The following PLA2G2C variants were observed in gnomAD, a reference collection of about 807,000 sequenced individuals.
PLA2G2C encodes putative inactive group IIC secretory phospholipase A2.
Under a neutral mutation model 14.3 loss-of-function variants are expected in PLA2G2C, and 15 were observed. The observed-to-expected ratio is 1.05, with a 90% CI of 0.70 to 1.62. The LOEUF is 1.62. Ranked by LOEUF, PLA2G2C falls within the 40% of genes most tolerant of loss-of-function variation. The pLI is 0.00. For synonymous variants in PLA2G2C, 79 were observed against 67.7 expected, an observed-to-expected ratio of 1.17 and a Z score of -0.82; for missense variants, 162 against 173.2, an observed-to-expected ratio of 0.94 and a Z score of 0.36.
chr1:20,173,950 G>A (rs59339597), intron 3 of PLA2G2C, among the ~76,000 whole-genome samples: 4 of 151,976 alleles, frequency 2.6e-5, no homozygotes, highest in African/African-American at 2.4e-5. Context: ...GCAAATTCTC[G>A]TTCAATCCTA....
chr1:20,172,604 G>C (rs1187159299), intron 4 of PLA2G2C, among the ~76,000 whole-genome samples, 190 bp downstream of exon 4: 2 of 152,096 alleles, frequency 1.3e-5, no homozygotes, highest in South Asian at 4.2e-4. Context: ...CTCATGGGTG[G>C]GAGAGACCAG....
intron 1 of PLA2G2C, 54 bp from the exon 2 acceptor site, chr1:20,177,493 C>G: frequency 1.8e-6 from 1 of 566,758 alleles, no homozygotes; most frequent in South Asian, 2.3e-5. Context: ...GTGCAAAGCC[C>G]TAATTGTAGT....
chr1:20,185,479 G>C (rs1363410106), intron 1 of PLA2G2C, among the ~76,000 whole-genome samples: 1 of 152,200 alleles, frequency 6.6e-6, no homozygotes, highest in Non-Finnish European at 1.5e-5. Flanking sequence ...AGATACAGCG[G>C]AAGTGACTCA....
chr1:20,183,728 C>T (rs1286232070), intron 1 of PLA2G2C, among the ~76,000 whole-genome samples: 1 of 152,098 alleles, frequency 6.6e-6, no homozygotes, highest in African/African-American at 2.4e-5. Flanking sequence ...GTCATTTTGG[C>T]TTAACTTCAA....
At chr1:20,172,747 GAAAGGCCCAGGTTA>G in intron 4 of PLA2G2C, 33 bp downstream of exon 4, 1 of 1,498,516 alleles carries the variant, frequency 6.7e-7, no homozygotes, top group Non-Finnish European at 9.2e-7. Context: ...GAACGTTAAG[GAAAGGCCCAGGTTA>G]AAAGACATTT....
chr1:20,167,840 C>G (rs567833919), intron 4 of PLA2G2C, among the ~76,000 whole-genome samples: 21 of 152,214 alleles, frequency 1.4e-4, no homozygotes, highest in African/African-American at 4.8e-4. Flanking sequence ...AGGCCTTCTT[C>G]GACCACCTAA....
At chr1:20,165,173 T>C (rs947431570) in intron 4 of PLA2G2C, among the ~76,000 whole-genome samples, 2 of 152,218 alleles carry the variant, frequency 1.3e-5, no homozygotes, top group African/African-American at 4.8e-5. Flanking sequence ...TCACAGGTCT[T>C]GCTCTGTCTT....
chr1:20,182,962 G>C (rs1203446432), intron 1 of PLA2G2C, among the ~76,000 whole-genome samples: 1 of 152,198 alleles, frequency 6.6e-6, no homozygotes, highest in Non-Finnish European at 1.5e-5. Context: ...GGATCGCTCA[G>C]TGGAAACGCT....
At chr1:20,175,746 G>A (rs1314567100) in intron 2 of PLA2G2C, among the ~76,000 whole-genome samples, 2 of 152,140 alleles carry the variant, frequency 1.3e-5, no homozygotes, top group African/African-American at 4.8e-5. Flanking sequence ...TCCACCGACA[G>A]GGGGATAATA....
chr1:20,185,245 C>G (rs1191810913), intron 1 of PLA2G2C, among the ~76,000 whole-genome samples: 2 of 152,170 alleles, frequency 1.3e-5, no homozygotes, highest in East Asian at 3.9e-4. Flanking sequence ...CCTCGTGTTT[C>G]TGTTACACCA....
At chr1:20,170,069 G>A (rs901051816) in intron 4 of PLA2G2C, among the ~76,000 whole-genome samples, 5 of 152,224 alleles carry the variant, frequency 3.3e-5, no homozygotes, top group African/African-American at 7.2e-5. Flanking sequence ...CTTGGCCATC[G>A]TGCTTAACCT....
At chr1:20,182,969 C>T (rs897089079) in intron 1 of PLA2G2C, among the ~76,000 whole-genome samples, 1 of 152,072 alleles carries the variant, frequency 6.6e-6, no homozygotes, top group Non-Finnish European at 1.5e-5. Flanking sequence ...TCAGTGGAAA[C>T]GCTAGCCTTG....
chr1:20,179,015 C>A (rs776605161), intron 1 of PLA2G2C, among the ~76,000 whole-genome samples: 1 of 152,366 alleles, frequency 6.6e-6, no homozygotes, highest in East Asian at 1.9e-4. Flanking sequence ...CTGCAGGTAC[C>A]GCGTGGCCCA....
intron 4 of PLA2G2C, among the ~76,000 whole-genome samples, chr1:20,169,852 G>A (rs1028577700): frequency 3.3e-5 from 5 of 152,192 alleles, no homozygotes; most frequent in African/African-American, 1.2e-4. Context: ...AAGCTCCGGG[G>A]CCTTACAGCG....
chr1:20,170,099 C>T (rs1163160675), intron 4 of PLA2G2C, among the ~76,000 whole-genome samples: 2 of 152,250 alleles, frequency 1.3e-5, no homozygotes, highest in Non-Finnish European at 2.9e-5. Context: ...CCAGGGTCCT[C>T]CTTGATAATG....
At chr1:20,169,374 C>G (rs2018032808) in intron 4 of PLA2G2C, among the ~76,000 whole-genome samples, 1 of 152,106 alleles carries the variant, frequency 6.6e-6, no homozygotes, top group East Asian at 1.9e-4. Context: ...AGACAGGGGT[C>G]TCACTGTGTT....
chr1:20,179,212 CTG>C (rs35377696), intron 1 of PLA2G2C, among the ~76,000 whole-genome samples: 230 of 149,598 alleles, frequency 1.5e-3, no homozygotes, highest in African/African-American at 3.3e-3. Flanking sequence ...GTCAGTTTCT[CTG>C]TGTGTGTGTG....
chr1:20,164,047 T>A lies in PLA2G2C; in HGVS notation c.394A>T (p.Asn132Tyr). The A allele has an allele frequency of 6.2e-7, 1 of 1,613,772 alleles. No homozygotes were observed. The highest frequency in any genetic ancestry group is 1.1e-5 in the South Asian group (1 of 91,014). ...GGCTGGCTGGAGAACTGCTTGAAGTTTTTCTCATAGGTGGGCAGGCTCTCT... is the reference window on the plus strand; with the variant it reads ...GGCTGGCTGGAGAACTGCTTGAAGTATTTCTCATAGGTGGGCAGGCTCTCT... ...FKESLPTYEK[N>Y]FKQFSSQPRC... The change falls in exon 5 of 5, where the codon AAC becomes TAC. Residue 132 changes from asparagine to tyrosine, a missense_variant. Physicochemically the swap from Asn to Tyr is moderately radical, Grantham distance 143. Coordinates refer to ENST00000679259, the MANE Select transcript of PLA2G2C (RefSeq NM_001367969.2).
At chr1:20,168,764 CATGT>C (rs1488593849) in intron 4 of PLA2G2C, among the ~76,000 whole-genome samples, 1 of 152,222 alleles carries the variant, frequency 6.6e-6, no homozygotes, top group Admixed American at 6.5e-5. Flanking sequence ...CTGTACCACA[CATGT>C]ATGTGCATGT....
Sources: allele counts gnomAD v4.1 joint callset (sites outside exome capture counted in the v4.1 genomes callset), GRCh38; gene constraint gnomAD v4.1.1; transcripts MANE v1.5; gene names NCBI Gene and HGNC (gene_info 2026-07-23, HGNC 2026-07-21).